The following CD24 variants were observed in gnomAD, a reference collection of about 807,000 sequenced individuals.
CD24 encodes signal transducer CD24.
In CD24, 2 loss-of-function variants were observed where a neutral mutation model predicts 3.6. The observed-to-expected ratio is 0.56, with a 90% CI of 0.23 to 1.77. The LOEUF is 1.77. Among genes scored for constraint, CD24 ranks in the 40% most tolerant of loss-of-function variants. The probability of loss-of-function intolerance (pLI) is 0.18; values close to 1 mark genes in which losing one functional copy is unlikely to be tolerated. For missense variants in CD24, 62 were observed against 93.6 expected, an observed-to-expected ratio of 0.66 and a Z score of 1.39; for synonymous variants, 33 against 44.9, an observed-to-expected ratio of 0.74 and a Z score of 1.06.
chr6:106,976,411 T>C (rs1317094846), upstream of CD24, among the ~76,000 whole-genome samples: 2 of 152,210 alleles, frequency 1.3e-5, no homozygotes, highest in Non-Finnish European at 2.9e-5. Flanking sequence ...GACTGAATAG[T>C]GACTGAATTG....
upstream of CD24, among the ~76,000 whole-genome samples, chr6:106,974,907 G>C (rs1296644101): frequency 6.9e-6 from 1 of 145,232 alleles, no homozygotes; most frequent in African/African-American, 2.5e-5. Context: ...CCGCCGCTCC[G>C]GCCCTCGCGG....
chr6:106,976,428 G>A (rs1298584986), upstream of CD24, among the ~76,000 whole-genome samples: 1 of 152,194 alleles, frequency 6.6e-6, no homozygotes. Flanking sequence ...ATTGGTTTGT[G>A]CCTTCAAGGT....
At chr6:106,974,436 TG>T in intron 1 of CD24, 141 bp downstream of exon 1, 1 of 541,078 alleles carries the variant, frequency 1.8e-6, no homozygotes, top group Non-Finnish European at 3.1e-6. Context: ...CCCTCTCCCC[TG>T]GTCAGCTAAG....
intron 1 of CD24, 37 bp downstream of exon 1, chr6:106,974,541 A>G: frequency 7.7e-7 from 1 of 1,300,744 alleles, no homozygotes; most frequent in Non-Finnish European, 1.0e-6. Flanking sequence ...CCACCCCGGG[A>G]ACGGCCCTCG....
intron 1 of CD24, among the ~76,000 whole-genome samples, chr6:106,972,875 TTTG>T (rs1773007958): frequency 6.6e-6 from 1 of 152,180 alleles, no homozygotes; most frequent in South Asian, 2.1e-4. Flanking sequence ...ACCAGCTCCT[TTTG>T]TTGTAAAATC....
intron 1 of CD24, among the ~76,000 whole-genome samples, chr6:106,972,411 A>T (rs1165588014): frequency 4.6e-5 from 7 of 152,216 alleles, no homozygotes; most frequent in Non-Finnish European, 8.8e-5. Context: ...TAACTCTTCT[A>T]AAAAATGGCC....
chr6:106,973,739 T>C (rs940802978), intron 1 of CD24: 33 of 398,416 alleles, frequency 8.3e-5, no homozygotes, highest in South Asian at 6.4e-4. Flanking sequence ...GCGCGGTGCA[T>C]CCATACACCC....
intron 1 of CD24, among the ~76,000 whole-genome samples, chr6:106,972,079 ATAACTATAACTC>A (rs1772984982): frequency 6.6e-6 from 1 of 152,232 alleles, no homozygotes; most frequent in African/African-American, 2.4e-5. Flanking sequence ...AAGTTATTCA[ATAACTATAACTC>A]CTGTTTTTAT....
rs1158323399 is a variant in CD24 at position 106,970,431 on chromosome 6, C to T, written c.*1230G>A. The T allele has an allele frequency of 6.6e-6, 1 of 152,542 alleles. No individual in the cohort carries two copies. Among genetic ancestry groups the T allele is most frequent in the Admixed American group, 6.6e-5 (1 of 15,264 alleles). The allele number at this position is 152,542 out of a possible 1,614,324, so 9.4% of individuals were successfully genotyped here. ...AGTTTTGACTCCTTTACATTTTTGC[C>T]TTCTTAATTTCAAGATTTGCAATTT... is the stretch of plus-strand genomic sequence containing the variant. On this transcript the variant is annotated 3_prime_UTR_variant, in exon 2 of 2. Transcript: ENST00000606017.
At chr6:106,973,320 G>A (rs1449071005) in intron 1 of CD24, 3 of 242,124 alleles carry the variant, frequency 1.2e-5, no homozygotes, top group African/African-American at 6.7e-5. Context: ...CACTTACAAT[G>A]TTGGAGGAAA....
upstream of CD24, chr6:106,975,137 C>G (rs1202298234): frequency 6.6e-6 from 1 of 152,158 alleles, no homozygotes; most frequent in Non-Finnish European, 1.5e-5. Flanking sequence ...ATCTTACCCC[C>G]CAAAAGAAAA....
upstream of CD24, among the ~76,000 whole-genome samples, chr6:106,976,097 G>T (rs1773104628): frequency 6.6e-6 from 1 of 152,158 alleles, no homozygotes; most frequent in Admixed American, 6.5e-5. Flanking sequence ...TTTTATTGAA[G>T]GTTTAGCCCA....
Position 106,974,593 on chromosome 6 carries a change from C to T in CD24, c.54G>A (p.Leu18=). ...AGGGCCTCACCTGCGTGGGTAGGAG[C>T]AGTGCCAGCAGCAGCAGCCCCAGCC... is the stretch of plus-strand genomic sequence containing the variant. ...RLGLGLLLLA[L]LLPTQIYSSE... is the part of the protein sequence containing the mutation. Residue 18 remains leucine, a synonymous_variant, in exon 1 of 2, where the codon CTG becomes CTA. Transcript: ENST00000606017. 2 of 1,455,308 alleles carry T rather than the reference C, an allele frequency of 1.4e-6. No homozygotes were observed. Among genetic ancestry groups the T allele is most frequent in the Non-Finnish European group, 1.8e-6 (2 of 1,112,910 alleles). 90.1% of individuals were successfully genotyped at this position (1,455,308 alleles called of 1,614,324 possible). A position where few individuals can be genotyped will look rare whatever the true frequency, so the allele number is the denominator to read the frequency against.
upstream of CD24, chr6:106,975,100 A>C (rs1399210220): frequency 6.6e-6 from 1 of 152,040 alleles, no homozygotes. Context: ...GCCGGGCCCA[A>C]GTTTCCTTTG....
chr6:106,972,381 T>C (rs1371609358), intron 1 of CD24, among the ~76,000 whole-genome samples: 1 of 152,224 alleles, frequency 6.6e-6, no homozygotes, highest in African/African-American at 2.4e-5. Flanking sequence ...TCTTATCTTC[T>C]CCCTTGAAAT....
Position 106,970,555 on chromosome 6 carries a change from T to G in CD24, c.*1106A>C, listed in dbSNP as rs1192210471. Reference sequence around the variant, plus strand: ...GGCTGGGCGCGGGGGCTCAAGCCTGTAATCCCAGCACTTTGGGAGGCCGAG... The same window carrying G: ...GGCTGGGCGCGGGGGCTCAAGCCTGGAATCCCAGCACTTTGGGAGGCCGAG... On this transcript the variant is annotated 3_prime_UTR_variant, in exon 2 of 2. Coordinates refer to ENST00000606017, the MANE Select transcript of CD24 (RefSeq NM_001359084.1). 1.3e-5 allele frequency: 2 copies of G among 152,310 alleles called. No homozygotes were observed. Among genetic ancestry groups the G allele is most frequent in the African/African-American group, 4.8e-5 (2 of 41,472 alleles). 9.4% of individuals were successfully genotyped at this position (152,310 alleles called of 1,614,324 possible). A position where few individuals can be genotyped will look rare whatever the true frequency, so the allele number is the denominator to read the frequency against.
Position 106,969,834 on chromosome 6 carries a change from C to T in CD24, c.*1827G>A, listed in dbSNP as rs1772922260. ...TGGAAAAACTTAAAATGCAAGATTG[C>T]TCTTTCAGCCATTTCTTTTTATTTA... On this transcript the variant is annotated 3_prime_UTR_variant, in exon 2 of 2. Transcript: ENST00000606017. 2 of 152,188 alleles carry T rather than the reference C, an allele frequency of 1.3e-5. No individual in the cohort carries two copies. Among genetic ancestry groups the T allele is most frequent in the Non-Finnish European group, 2.9e-5 (2 of 67,972 alleles). 9.4% of individuals were successfully genotyped at this position (152,188 alleles called of 1,614,324 possible).
rs988137040 is a variant in CD24 at position 106,971,863 on chromosome 6, C to A, written c.70-29G>T. 1.0e-3 allele frequency: 1,420 copies of A among 1,420,422 alleles called. 15 individuals are homozygous for A. The African/African-American group carries it at 0.018, about 18-fold the overall frequency. The allele number at this position is 1,420,422 out of a possible 1,614,324, so 88.0% of individuals were successfully genotyped here. A position where few individuals can be genotyped will look rare whatever the true frequency, so the allele number is the denominator to read the frequency against. On this transcript the variant is annotated intron_variant, in intron 1 of 1. Coordinates refer to ENST00000606017, the MANE Select transcript of CD24 (RefSeq NM_001359084.1). ...AAATACATAAAAAGTTACATGGATA[C>A]ATTTCCACATCACAGCTACCTCCAT...
At chr6:106,974,128 C>T in intron 1 of CD24, 1 of 393,158 alleles carries the variant, frequency 2.5e-6, no homozygotes, top group Non-Finnish European at 4.5e-6. Flanking sequence ...AAGGGACCGT[C>T]GCCTCTCTTT....
Sources: allele counts gnomAD v4.1 joint callset (sites outside exome capture counted in the v4.1 genomes callset), GRCh38; gene constraint gnomAD v4.1.1; transcripts MANE v1.5; gene names NCBI Gene and HGNC (gene_info 2026-07-23, HGNC 2026-07-21).